APBB2: variants seen among roughly 807,000 people sequenced by gnomAD.
The protein encoded by APBB2 is amyloid beta precursor protein binding family B member 2.
Under a neutral mutation model 82.5 loss-of-function variants are expected in APBB2, and 38 were observed. The ratio of observed to expected loss-of-function variants is 0.46; its 90% CI spans 0.36 to 0.60. The LOEUF (loss-of-function observed/expected upper bound fraction) is 0.60. APBB2 is among the 20% of genes least tolerant of loss of function. The pLI is 0.00. For synonymous variants in APBB2, 341 were observed against 368.2 expected (o/e 0.93, Z 0.85); for missense variants, 772 against 972.3 (o/e 0.79, Z 2.74).
At chr4:40,923,557 C>T (rs1193612481) in intron 10 of APBB2, among the ~76,000 whole-genome samples, 2 of 152,196 alleles carry the variant, frequency 1.3e-5, no homozygotes, top group Admixed American at 6.5e-5. Flanking sequence ...AATTCTGTGC[C>T]AAGAACCCAC....
At position 41,099,674 on chromosome 4, in the gene APBB2, G is replaced by A. The variant is rs1744702793; in HGVS notation, c.-149+965C>T. 3.3e-5 allele frequency among the ~76,000 whole-genome samples: 5 copies of A among 152,122 alleles called. No individual in the cohort carries two copies. The South Asian group carries it at 1.0e-3, about 32-fold the overall frequency. Reference sequence around the variant, plus strand: ...TATTTAATGCTTTCATAGAACTAAAGCAAAGTTCTGTTCTGTCTTGTTTTA... The same window carrying A: ...TATTTAATGCTTTCATAGAACTAAAACAAAGTTCTGTTCTGTCTTGTTTTA... On this transcript the variant is annotated intron_variant, in intron 3 of 17. Coordinates refer to ENST00000508593, the MANE Select transcript of APBB2 (RefSeq NM_004307.2).
intron 4 of APBB2, among the ~76,000 whole-genome samples, chr4:41,044,717 T>G (rs1722769272): frequency 6.6e-6 from 1 of 152,240 alleles, no homozygotes; most frequent in Non-Finnish European, 1.5e-5. Flanking sequence ...AATCTAATTC[T>G]CTATTACTGT....
chr4:41,150,216 T>C (rs1296023047), intron 1 of APBB2, among the ~76,000 whole-genome samples: 1 of 152,154 alleles, frequency 6.6e-6, no homozygotes, highest in Non-Finnish European at 1.5e-5. Context: ...TGAACTTAAA[T>C]CCCCAAATTT....
intron 12 of APBB2, among the ~76,000 whole-genome samples, chr4:40,860,522 G>A (rs554301970): frequency 1.3e-5 from 2 of 152,158 alleles, no homozygotes; most frequent in African/African-American, 4.8e-5. Context: ...GAACTTCCCT[G>A]GACTCTGTCC....
Position 40,823,732 on chromosome 4 carries a change from T to C in APBB2, c.1844A>G (p.Glu615Gly), listed in dbSNP as rs929903101. 1.2e-6 allele frequency: 2 copies of C among 1,613,552 alleles called. No homozygotes were observed. The highest frequency in any genetic ancestry group is 1.7e-6 in the Non-Finnish European group (2 of 1,179,876). Residue 615 changes from glutamate (E) to glycine (G), a missense_variant, in exon 16 of 18, where the codon GAA becomes GGA. Physicochemically the swap from Glu to Gly is moderately conservative, Grantham distance 98. Transcript: ENST00000508593. ...VGMDILNSAIENLMTSSNKED... is the reference protein window; with the variant it reads ...VGMDILNSAIGNLMTSSNKED... Reference sequence around the variant, plus strand: ...CTTGTTGGATGAGGTCATAAGATTTTCTATGGCACTGTTCAAAATATCCAT... The same window carrying C: ...CTTGTTGGATGAGGTCATAAGATTTCCTATGGCACTGTTCAAAATATCCAT...
At chr4:40,854,861 T>A (rs770706345) in intron 12 of APBB2, among the ~76,000 whole-genome samples, 1 of 150,786 alleles carries the variant, frequency 6.6e-6, no homozygotes, top group Non-Finnish European at 1.5e-5. Flanking sequence ...AGAGGAAAGC[T>A]GTATAGGTGA....
intron 12 of APBB2, among the ~76,000 whole-genome samples, chr4:40,885,211 C>T (rs1769870420): frequency 6.6e-6 from 1 of 152,186 alleles, no homozygotes; most frequent in Admixed American, 6.5e-5. Context: ...GGCAGCCAGG[C>T]TGCAAATGTA....
chr4:40,940,078 A>C (rs934043042), intron 7 of APBB2, among the ~76,000 whole-genome samples: 7 of 152,052 alleles, frequency 4.6e-5, no homozygotes, highest in Non-Finnish European at 8.8e-5. Flanking sequence ...GTCGTCATGT[A>C]CTGGGCCCTG....
chr4:40,953,826 G>A (rs990852762), intron 6 of APBB2, among the ~76,000 whole-genome samples: 16 of 152,134 alleles, frequency 1.1e-4, no homozygotes, highest in African/African-American at 3.4e-4. Context: ...GAAAGCCATC[G>A]GTGTCCTTTC....
intron 1 of APBB2, among the ~76,000 whole-genome samples, chr4:41,151,075 T>C (rs1560888544): frequency 6.6e-6 from 1 of 152,164 alleles, no homozygotes; most frequent in African/African-American, 2.4e-5. Flanking sequence ...TCTAACTCCA[T>C]ACTGCATCCA....
chr4:41,136,335 T>C (rs950002589), intron 2 of APBB2, among the ~76,000 whole-genome samples: 3 of 152,144 alleles, frequency 2.0e-5, no homozygotes, highest in Non-Finnish European at 2.9e-5. Context: ...AAAGAAAAGA[T>C]TTAAAGAAGT....
At chr4:41,027,314 T>C (rs1714700603) in intron 5 of APBB2, among the ~76,000 whole-genome samples, 1 of 150,450 alleles carries the variant, frequency 6.6e-6, no homozygotes, top group Non-Finnish European at 1.5e-5. Flanking sequence ...TACAGTAACT[T>C]TTTTGTACAT....
intron 6 of APBB2, among the ~76,000 whole-genome samples, chr4:40,966,590 T>C (rs942918084): frequency 1.3e-5 from 2 of 152,202 alleles, no homozygotes; most frequent in Non-Finnish European, 2.9e-5. Context: ...TCCTGCTGCC[T>C]GGCCTCTCCC....
intron 12 of APBB2, among the ~76,000 whole-genome samples, chr4:40,833,008 C>G (rs1056045267): frequency 2.6e-5 from 4 of 152,202 alleles, no homozygotes; most frequent in African/African-American, 7.2e-5. Context: ...TGAGCACAGT[C>G]TTCTCCACAC....
chr4:41,051,835 T>A (rs1050632292), intron 4 of APBB2, among the ~76,000 whole-genome samples: 3 of 152,160 alleles, frequency 2.0e-5, no homozygotes, highest in Admixed American at 6.5e-5. Context: ...GCCACCCCGG[T>A]TTGAATTCCA....
At chr4:40,993,494 C>T in intron 6 of APBB2, among the ~76,000 whole-genome samples, 1 of 151,428 alleles carries the variant, frequency 6.6e-6, no homozygotes, top group Non-Finnish European at 1.5e-5. Flanking sequence ...AGGAGATCCT[C>T]CCACCTCAGC....
intron 12 of APBB2, among the ~76,000 whole-genome samples, chr4:40,857,390 T>C (rs1426736343): frequency 2.6e-5 from 4 of 152,242 alleles, no homozygotes; most frequent in Non-Finnish European, 5.9e-5. Context: ...CTTTTTGGAC[T>C]CTCAAGACTT....
chr4:41,051,043 C>T (rs1183056544), intron 4 of APBB2, among the ~76,000 whole-genome samples: 1 of 150,494 alleles, frequency 6.6e-6, no homozygotes, highest in Non-Finnish European at 1.5e-5. Flanking sequence ...CCTCCTCTAT[C>T]TCCAGCTACA....
intron 1 of APBB2, among the ~76,000 whole-genome samples, chr4:41,209,873 A>G (rs768954866): frequency 9.2e-5 from 14 of 152,234 alleles, no homozygotes; most frequent in Non-Finnish European, 1.8e-4. Flanking sequence ...AGACAGGGAA[A>G]CACAAAATCA....
Sources: allele counts gnomAD v4.1 joint callset (sites outside exome capture counted in the v4.1 genomes callset), GRCh38; gene constraint gnomAD v4.1.1; transcripts MANE v1.5; gene names NCBI Gene and HGNC (gene_info 2026-07-23, HGNC 2026-07-21).